Variants in PLD5 observed in about 807,000 individuals in gnomAD.
PLD5 encodes inactive phospholipase D5.
PLD5 carries 36 observed loss-of-function variants against 61.1 expected under a neutral mutation model. The ratio of observed to expected loss-of-function variants is 0.59; its 90% CI spans 0.45 to 0.78. The LOEUF is 0.78. PLD5 is among the 30% of genes least tolerant of loss of function. The pLI is 0.00. For missense variants in PLD5, 515 were observed against 644.4 expected, an observed-to-expected ratio of 0.80 and a Z score of 2.17; for synonymous variants, 243 against 242.8, an observed-to-expected ratio of 1.00 and a Z score of -0.01.
At chr1:242,527,012 G>T (rs1045466545), upstream of PLD5, among the ~76,000 whole-genome samples, 1 of 149,576 alleles carries the variant, frequency 6.7e-6, no homozygotes, top group Non-Finnish European at 1.5e-5. Flanking sequence ...TTAAACAAAT[G>T]GTTTCCATAT....
At chr1:242,464,469 C>G (rs1667214670) in intron 1 of PLD5, among the ~76,000 whole-genome samples, 1 of 152,176 alleles carries the variant, frequency 6.6e-6, no homozygotes, top group African/African-American at 2.4e-5. Context: ...GCTTTGTAAT[C>G]AAACTTGCAA....
intron 1 of PLD5, among the ~76,000 whole-genome samples, chr1:242,459,462 C>G (rs981838024): frequency 5.9e-5 from 9 of 152,118 alleles, no homozygotes; most frequent in Admixed American, 4.6e-4. Context: ...ATTTGTGCTA[C>G]TGGTTTATTG....
intron 7 of PLD5, among the ~76,000 whole-genome samples, chr1:242,110,904 TTTACACA>T (rs1425170375): frequency 2.0e-5 from 3 of 152,182 alleles, no homozygotes; most frequent in African/African-American, 7.2e-5. Context: ...TTATTATTCC[TTTACACA>T]TTTACTAATT....
At chr1:242,302,197 A>G (rs191538797) in intron 2 of PLD5, among the ~76,000 whole-genome samples, 61 of 152,318 alleles carry the variant, frequency 4.0e-4, no homozygotes, top group Non-Finnish European at 7.9e-4. Context: ...GCCCAGGAGC[A>G]ACAGTCTCTA....
intron 1 of PLD5, among the ~76,000 whole-genome samples, chr1:242,433,347 C>G (rs989486021): frequency 3.3e-5 from 5 of 152,206 alleles, no homozygotes; most frequent in African/African-American, 1.2e-4. Context: ...ATTCTCCTCT[C>G]AGGACAGCCA....
At chr1:242,194,153 A>C (rs427498) in intron 5 of PLD5, among the ~76,000 whole-genome samples, 128,451 of 152,086 alleles carry the variant, frequency 0.84, 54,714 homozygotes, top group African/African-American at 0.95. Context: ...GTCACCAACC[A>C]AAAAGGTTGC....
At chr1:242,243,224 G>A (rs10803030) in intron 4 of PLD5, among the ~76,000 whole-genome samples, 1 of 152,118 alleles carries the variant, frequency 6.6e-6, no homozygotes, top group Non-Finnish European at 1.5e-5. Flanking sequence ...GGGGAGGAGG[G>A]GTAGGTTTGA....
At chr1:242,395,135 A>G in intron 1 of PLD5, among the ~76,000 whole-genome samples, 1 of 148,838 alleles carries the variant, frequency 6.7e-6, no homozygotes, top group East Asian at 1.9e-4. Flanking sequence ...GTATATGTAT[A>G]TATTTTAAAT....
intron 1 of PLD5, among the ~76,000 whole-genome samples, chr1:242,412,754 A>G (rs1290502632): frequency 3.3e-5 from 5 of 152,218 alleles, no homozygotes; most frequent in Non-Finnish European, 1.5e-5. Flanking sequence ...TGGCTATTGT[A>G]AATGTAAAAG....
chr1:242,481,231 G>A lies in PLD5; in HGVS notation c.189+42857C>T, dbSNP rs139519046. On this transcript the variant is annotated intron_variant, in intron 1 of 9. Transcript: ENST00000536534. ...GTGGGTGCAGGACAGTGGGTGCAGC[G>A]CACCAAACTTGAGCCAAAGCAGGGC... Among the ~76,000 whole-genome samples, 1,184 of 152,290 alleles carry A rather than the reference G, an allele frequency of 7.8e-3. 11 individuals carry two copies. The highest frequency in any genetic ancestry group is 0.02 in the Middle Eastern group (6 of 294).
intron 1 of PLD5, among the ~76,000 whole-genome samples, chr1:242,484,424 T>C (rs1387198694): frequency 6.6e-6 from 1 of 152,064 alleles, no homozygotes; most frequent in Non-Finnish European, 1.5e-5. Context: ...GAGAATACTA[T>C]AAACACCTCT....
intron 5 of PLD5, among the ~76,000 whole-genome samples, chr1:242,211,246 C>T (rs1380039190): frequency 2.0e-5 from 3 of 152,322 alleles, no homozygotes; most frequent in South Asian, 4.1e-4. Flanking sequence ...AGGATATACA[C>T]ACAAACCTTC....
intron 1 of PLD5, among the ~76,000 whole-genome samples, chr1:242,466,661 G>A (rs535168962): frequency 6.6e-6 from 1 of 152,274 alleles, no homozygotes; most frequent in East Asian, 1.9e-4. Context: ...GATAGGCCAA[G>A]GCGGGCAGAT....
At chr1:242,169,449 C>T (rs902229186) in intron 5 of PLD5, among the ~76,000 whole-genome samples, 2 of 152,182 alleles carry the variant, frequency 1.3e-5, no homozygotes, top group African/African-American at 4.8e-5. Context: ...ACCCGTAGAC[C>T]AGGAGATACC....
intron 2 of PLD5, among the ~76,000 whole-genome samples, chr1:242,327,593 T>C (rs1658879286): frequency 6.6e-6 from 1 of 152,176 alleles, no homozygotes. Context: ...CTTGAAAATG[T>C]TATAACAGAG....
chr1:242,158,451 G>C (rs552009691), intron 5 of PLD5, among the ~76,000 whole-genome samples: 185 of 152,280 alleles, frequency 1.2e-3, no homozygotes, highest in African/African-American at 4.2e-3. Flanking sequence ...GTAGGCACCA[G>C]AGGGAATCTC....
intron 4 of PLD5, among the ~76,000 whole-genome samples, chr1:242,226,305 C>T (rs918680087): frequency 9.9e-5 from 15 of 152,144 alleles, no homozygotes; most frequent in African/African-American, 2.9e-4. Flanking sequence ...CACAATGTGA[C>T]GCGTCAGGAC....
intron 2 of PLD5, among the ~76,000 whole-genome samples, chr1:242,296,713 A>T (rs183616968): frequency 0.014 from 2,085 of 150,046 alleles, 50 homozygotes; most frequent in African/African-American, 0.048. Flanking sequence ...TATGCTGATT[A>T]TTTTTTTTTT....
intron 1 of PLD5, among the ~76,000 whole-genome samples, chr1:242,457,358 C>A: frequency 6.6e-6 from 1 of 152,196 alleles, no homozygotes; most frequent in East Asian, 1.9e-4. Flanking sequence ...ACTGGCATTG[C>A]TCACGTTAAA....
Sources: allele counts gnomAD v4.1 joint callset (sites outside exome capture counted in the v4.1 genomes callset), GRCh38; gene constraint gnomAD v4.1.1; transcripts MANE v1.5; gene names NCBI Gene and HGNC (gene_info 2026-07-23, HGNC 2026-07-21).